The following PCMT1 variants were observed in gnomAD, a reference collection of about 807,000 sequenced individuals.
PCMT1 encodes the protein protein-L-isoaspartate(D-aspartate) O-methyltransferase.
In PCMT1, 9 loss-of-function variants were observed where a neutral mutation model predicts 29.2. The ratio of observed to expected loss-of-function variants is 0.31; its 90% confidence interval spans 0.19 to 0.54. PCMT1 has a LOEUF of 0.54. PCMT1 is among the 20% of genes least tolerant of loss of function. The probability of loss-of-function intolerance (pLI) is 0.95; values close to 1 mark genes in which losing one functional copy is unlikely to be tolerated. For synonymous variants in PCMT1, 98 were observed against 97.5 expected (o/e 1.00, Z -0.03); for missense variants, 184 against 282.2 (o/e 0.65, Z 2.49).
intron 1 of PCMT1, among the ~76,000 whole-genome samples, chr6:149,755,254 A>C (rs1365592486): frequency 6.6e-6 from 1 of 152,116 alleles, no homozygotes; most frequent in Non-Finnish European, 1.5e-5. Context: ...TTTTCTCTAC[A>C]AAAAATAAAC....
At chr6:149,790,544 CAG>C (rs757263766) in intron 4 of PCMT1, among the ~76,000 whole-genome samples, 45 of 125,440 alleles carry the variant, frequency 3.6e-4, no homozygotes, top group Admixed American at 7.0e-4. Flanking sequence ...TTCTTAAAAA[CAG>C]AGGTTTTATT....
At chr6:149,798,310 A>G (rs1251519938) in intron 6 of PCMT1, 1 of 152,132 alleles carries the variant, frequency 6.6e-6, no homozygotes, top group Non-Finnish European at 1.5e-5. Context: ...TAACTTTTCA[A>G]AAAAAATATT....
intron 3 of PCMT1, among the ~76,000 whole-genome samples, chr6:149,785,620 C>T (rs867083005): frequency 0.06 from 5,189 of 86,428 alleles, 1 homozygote; most frequent in East Asian, 0.15. Flanking sequence ...TTAACGAGCA[C>T]GCTGCCTTCA....
At chr6:149,761,479 A>G (rs952987856) in intron 1 of PCMT1, among the ~76,000 whole-genome samples, 5 of 152,108 alleles carry the variant, frequency 3.3e-5, no homozygotes, top group Admixed American at 6.5e-5. Context: ...GATTATCTTC[A>G]TATCTCTAAA....
At chr6:149,802,501 A>C in intron 7 of PCMT1, 85 bp downstream of exon 7, 1 of 1,312,652 alleles carries the variant, frequency 7.6e-7, no homozygotes, top group Non-Finnish European at 9.8e-7. Flanking sequence ...TAACGTCAGA[A>C]ATTCATTACA....
intron 3 of PCMT1, 138 bp from the exon 4 acceptor site, chr6:149,789,816 C>T (rs1788280693): frequency 4.1e-6 from 2 of 486,492 alleles, no homozygotes; most frequent in Non-Finnish European, 7.3e-6. Context: ...TAAGTAATAC[C>T]TGGGCAGATA....
At chr6:149,795,192 TCAA>T in intron 5 of PCMT1, 1 of 257,708 alleles carries the variant, frequency 3.9e-6, no homozygotes. Context: ...AGACTTCGTC[TCAA>T]AAAAAAAAAA....
intron 1 of PCMT1, among the ~76,000 whole-genome samples, chr6:149,765,907 C>T (rs1188520609): frequency 4.0e-5 from 6 of 150,654 alleles, no homozygotes; most frequent in African/African-American, 1.2e-4. Context: ...TGGAGGTTGC[C>T]GTGAGTGGAG....
At chr6:149,780,342 GAA>G (rs970397601) in intron 3 of PCMT1, among the ~76,000 whole-genome samples, 2 of 118,140 alleles carry the variant, frequency 1.7e-5, no homozygotes, top group African/African-American at 3.2e-5. Context: ...CCCTGTCTCA[GAA>G]AAAAAAAAAA....
At chr6:149,777,493 C>T (rs771417599) in intron 3 of PCMT1, among the ~76,000 whole-genome samples, 15 of 152,018 alleles carry the variant, frequency 9.9e-5, no homozygotes, top group Non-Finnish European at 1.5e-4. Flanking sequence ...ACAAATATGA[C>T]AAAGTCTTCA....
chr6:149,802,613 T>G lies in PCMT1; in HGVS notation c.*37+197T>G, dbSNP rs978063149. On this transcript the variant is annotated intron_variant, in intron 7 of 7. Transcript: ENST00000464889. ...GACTTGGTTGGCACAAAGGCTTTTT[T>G]TGTTTGTTTGTTTGTTTTTTTTTTA... 2.9e-3 allele frequency: 1,756 copies of G among 612,784 alleles called. 23 individuals are homozygous for G. The highest frequency in any genetic ancestry group is 3.3e-3 in the Non-Finnish European group (1,448 of 443,470). The allele number at this position is 612,784 out of a possible 1,614,324, so 38.0% of individuals were successfully genotyped here. A position where few individuals can be genotyped will look rare whatever the true frequency, so the allele number is the denominator to read the frequency against.
At chr6:149,773,216 C>T (rs1787409486) in intron 3 of PCMT1, 47 bp downstream of exon 3, 2 of 1,415,886 alleles carry the variant, frequency 1.4e-6, no homozygotes, top group Non-Finnish European at 2.0e-6. Context: ...ACATTTTTCT[C>T]TATAATCATT....
intron 2 of PCMT1, chr6:149,772,488 C>T (rs1018604997): frequency 4.8e-6 from 2 of 418,664 alleles, no homozygotes; most frequent in African/African-American, 2.1e-5. Flanking sequence ...TTTTAAAAAA[C>T]AATCTGAAGT....
intron 7 of PCMT1, among the ~76,000 whole-genome samples, chr6:149,802,914 G>GTGATGGCA (rs1489924744): frequency 1.3e-5 from 2 of 151,806 alleles, no homozygotes; most frequent in African/African-American, 4.8e-5. Context: ...TCAGCTGGGC[G>GTGATGGCA]TGATGGCACA....
rs1027804945 is a variant in PCMT1, at chr6:149,801,453, T to C, written c.505-747T>C. On this transcript the variant is annotated intron_variant, in intron 6 of 7. Transcript: ENST00000464889. ...ATTGATGCTCAACCTGTATATACTA[T>C]GTATTTATTTTTAAGACGGAGTCTC... Among the ~76,000 whole-genome samples, 4 of 152,114 alleles carry C rather than the reference T, an allele frequency of 2.6e-5. No homozygotes were observed. In the South Asian group the frequency reaches 6.2e-4, roughly 24 times the overall value.
chr6:149,764,455 A>T (rs1786987389), intron 1 of PCMT1, among the ~76,000 whole-genome samples: 1 of 152,230 alleles, frequency 6.6e-6, no homozygotes, highest in African/African-American at 2.4e-5. Flanking sequence ...ACTTTAAAAA[A>T]AAATGCTTTC....
At chr6:149,750,176 A>G (rs888891680) in intron 1 of PCMT1, 350 of 645,292 alleles carry the variant, frequency 5.4e-4, no homozygotes, top group South Asian at 1.6e-3. Context: ...AGAAAGAGCC[A>G]GGGGCCGCTG....
intron 1 of PCMT1, among the ~76,000 whole-genome samples, chr6:149,756,874 G>T (rs958194662): frequency 6.6e-6 from 1 of 151,760 alleles, no homozygotes; most frequent in East Asian, 1.9e-4. Context: ...AATAAAATTG[G>T]CCGGGCGTGG....
intron 1 of PCMT1, among the ~76,000 whole-genome samples, chr6:149,756,505 T>C (rs1786510137): frequency 1.5e-5 from 2 of 132,486 alleles, no homozygotes; most frequent in Non-Finnish European, 1.5e-5. Context: ...CACACCACCA[T>C]GACTGGCTTT....
Sources: gnomAD v4.1 joint callset for allele counts (sites outside exome capture counted in the v4.1 genomes callset) on GRCh38, gnomAD v4.1.1 for gene constraint, MANE v1.5 for transcripts, NCBI Gene and HGNC (gene_info 2026-07-23, HGNC 2026-07-21) for gene names.